ANTXR2: variants seen among roughly 807,000 people sequenced by gnomAD.
ANTXR2 encodes the protein ANTXR cell adhesion molecule 2.
ANTXR2 carries 44 observed loss-of-function variants against 73.7 expected under a neutral mutation model. That is an observed-to-expected ratio of 0.60 (90% confidence interval 0.47 to 0.77). The LOEUF (loss-of-function observed/expected upper bound fraction) is 0.77. Among genes scored for constraint, ANTXR2 ranks in the 30% least tolerant of loss-of-function variants. The pLI is 0.00. For synonymous variants in ANTXR2, 217 were observed against 205.9 expected, an observed-to-expected ratio of 1.05 and a Z score of -0.46; for missense variants, 604 against 592.5, an observed-to-expected ratio of 1.02 and a Z score of -0.20.
In ANTXR2 at chr4:79,933,514, G is replaced by A. The variant is rs1008773173; in HGVS notation, c.1429-26047C>T. Among the ~76,000 whole-genome samples the A allele has an allele frequency of 2.0e-5, 3 of 152,170 alleles. No homozygotes were observed. The South Asian group carries it at 6.2e-4, about 32-fold the overall frequency. On this transcript the variant is annotated intron_variant, in intron 16 of 16. Coordinates refer to ENST00000403729, the MANE Select transcript of ANTXR2 (RefSeq NM_058172.6). ...CACTGAATCATATTGTTGGAAGAAA[G>A]ATATTGGTTTGGTTTTTGTTTTGTT...
chr4:79,979,784 G>A (rs1246507331), intron 14 of ANTXR2, among the ~76,000 whole-genome samples: 1 of 151,968 alleles, frequency 6.6e-6, no homozygotes, highest in Non-Finnish European at 1.5e-5. Context: ...TTTAGATATA[G>A]CTAAATTGTA....
At chr4:80,055,625 A>T (rs1015826103) in intron 4 of ANTXR2, among the ~76,000 whole-genome samples, 158 bp from the exon 5 acceptor site, 6 of 151,954 alleles carry the variant, frequency 3.9e-5, no homozygotes, top group African/African-American at 1.4e-4. Flanking sequence ...TGAAATATGC[A>T]TATATTCACA....
At chr4:79,963,670 G>C (rs911204554) in intron 16 of ANTXR2, among the ~76,000 whole-genome samples, 2 of 151,992 alleles carry the variant, frequency 1.3e-5, no homozygotes, top group African/African-American at 4.8e-5. Context: ...TAAATTTTAC[G>C]AATGATAATA....
intron 14 of ANTXR2, among the ~76,000 whole-genome samples, chr4:79,983,145 G>A (rs1003921230): frequency 1.3e-5 from 2 of 152,052 alleles, no homozygotes; most frequent in Admixed American, 6.6e-5. Flanking sequence ...TAATAATAAA[G>A]TCAATGTGTT....
upstream of ANTXR2, chr4:80,073,372 A>G (rs1349509488): frequency 6.6e-6 from 1 of 152,260 alleles, no homozygotes; most frequent in Non-Finnish European, 1.5e-5. Context: ...GAAAAACAAA[A>G]GTTATCTAGA....
intron 12 of ANTXR2, among the ~76,000 whole-genome samples, chr4:79,993,304 AG>A (rs1053337632): frequency 1.3e-5 from 2 of 151,600 alleles, no homozygotes; most frequent in Non-Finnish European, 1.5e-5. Context: ...GGAAATTAGG[AG>A]GAAAAAAAGA....
rs1431297464 is a variant in ANTXR2, at chr4:79,903,325, C to A, written c.*4104G>T. 6.6e-6 allele frequency: 1 copy of A among 151,382 alleles called. No homozygotes were observed. Among genetic ancestry groups the A allele is most frequent in the Non-Finnish European group, 1.5e-5 (1 of 67,980 alleles). 9.4% of individuals were successfully genotyped at this position (151,382 alleles called of 1,614,324 possible). A position where few individuals can be genotyped will look rare whatever the true frequency, so the allele number is the denominator to read the frequency against. On this transcript the variant is annotated 3_prime_UTR_variant, in exon 17 of 17. Transcript: ENST00000403729. ...CTAAGCTAAGACTCTTCATAGAAAA[C>A]ACATTGAGTCAATTCTCCCTCTGTT...
chr4:80,033,667 T>C, intron 8 of ANTXR2, 97 bp from the exon 9 acceptor site: 1 of 895,166 alleles, frequency 1.1e-6, no homozygotes, highest in Non-Finnish European at 1.7e-6. Flanking sequence ...AAAGAATAAT[T>C]TTTTTCATAC....
chr4:79,965,635 C>T (rs961023744), intron 16 of ANTXR2, among the ~76,000 whole-genome samples: 1 of 152,098 alleles, frequency 6.6e-6, no homozygotes, highest in African/African-American at 2.4e-5. Flanking sequence ...GAGCACAGAA[C>T]ACACAGGAAA....
chr4:79,932,287 T>C (rs1329042364), intron 16 of ANTXR2, among the ~76,000 whole-genome samples: 3 of 152,166 alleles, frequency 2.0e-5, no homozygotes, highest in Non-Finnish European at 4.4e-5. Context: ...CTGAAGATTA[T>C]ATTTTCTTTC....
chr4:79,949,382 A>C (rs1728623350), intron 16 of ANTXR2, among the ~76,000 whole-genome samples: 1 of 152,220 alleles, frequency 6.6e-6, no homozygotes. Context: ...AATGATGACA[A>C]GGACTGGATT....
intron 16 of ANTXR2, among the ~76,000 whole-genome samples, chr4:79,919,609 G>A (rs1315952574): frequency 6.6e-6 from 1 of 151,786 alleles, no homozygotes; most frequent in Non-Finnish European, 1.5e-5. Flanking sequence ...GATACTTCCT[G>A]CCCTCGAACA....
At chr4:79,962,233 A>C (rs1729173232) in intron 16 of ANTXR2, among the ~76,000 whole-genome samples, 1 of 152,168 alleles carries the variant, frequency 6.6e-6, no homozygotes, top group Admixed American at 6.5e-5. Flanking sequence ...TATGTCCTAT[A>C]AGAATATATG....
intron 7 of ANTXR2, among the ~76,000 whole-genome samples, chr4:80,043,923 A>T (rs1349827337): frequency 1.3e-5 from 2 of 151,908 alleles, no homozygotes; most frequent in African/African-American, 4.8e-5. Flanking sequence ...ATCTAGTATA[A>T]TATGGTCAGG....
intron 15 of ANTXR2, 64 bp from the exon 16 acceptor site, chr4:79,977,765 T>C (rs1729703399): frequency 6.9e-7 from 1 of 1,444,704 alleles, no homozygotes; most frequent in African/African-American, 1.4e-5. Flanking sequence ...ACTGAATAAA[T>C]GAAGACATAA....
rs144485757 is a variant in ANTXR2 at position 80,031,874 on chromosome 4, A to C, written c.797-182T>G. Reference sequence around the variant, plus strand: ...AAAATGGAAAGAGATTATATGCTCCATTGACATATAGTGTTGGTAAATCAT... The same window carrying C: ...AAAATGGAAAGAGATTATATGCTCCCTTGACATATAGTGTTGGTAAATCAT... On this transcript the variant is annotated intron_variant, in intron 9 of 16. Coordinates refer to ENST00000403729, the MANE Select transcript of ANTXR2 (RefSeq NM_058172.6). Among the ~76,000 whole-genome samples the C allele has an allele frequency of 8.4e-3, 1,274 of 151,896 alleles. 7 individuals carry two copies. The highest frequency in any genetic ancestry group is 0.014 in the Non-Finnish European group (928 of 67,778).
intron 16 of ANTXR2, among the ~76,000 whole-genome samples, chr4:79,931,481 CTCT>C (rs1171965774): frequency 6.8e-6 from 1 of 147,706 alleles, no homozygotes; most frequent in Non-Finnish European, 1.5e-5. Context: ...CTCTCTCTCT[CTCT>C]TTCTCCCCAA....
intron 11 of ANTXR2, among the ~76,000 whole-genome samples, chr4:80,015,923 A>AAAAGGAAAGGAAAGGAAAGG (rs1184169438): frequency 2.7e-5 from 1 of 37,014 alleles, no homozygotes; most frequent in African/African-American, 9.7e-5. Flanking sequence ...AAGGAAAGGA[A>AAAAGGAAAGGAAAGGAAAGG]AAAGGAAAGG....
At chr4:79,914,972 G>C (rs7690697) in intron 16 of ANTXR2, among the ~76,000 whole-genome samples, 123,793 of 152,116 alleles carry the variant, frequency 0.81, 50,579 homozygotes, top group East Asian at 1. Context: ...GGATATGACA[G>C]AAACAAAAGT....
Sources: allele counts gnomAD v4.1 joint callset (sites outside exome capture counted in the v4.1 genomes callset), GRCh38; gene constraint gnomAD v4.1.1; transcripts MANE v1.5; gene names NCBI Gene and HGNC (gene_info 2026-07-23, HGNC 2026-07-21).